The following TRIM55 variants were observed in gnomAD, a reference collection of about 807,000 sequenced individuals.
TRIM55 encodes the protein tripartite motif-containing protein 55.
TRIM55 carries 50 observed loss-of-function variants against 60.9 expected under a neutral mutation model. The ratio of observed to expected loss-of-function variants is 0.82; its 90% confidence interval spans 0.65 to 1.04. TRIM55 has a LOEUF of 1.04. TRIM55 is among the 50% of genes least tolerant of loss of function. The pLI, the probability that TRIM55 is intolerant of heterozygous loss-of-function variation, is 0.00. For missense variants in TRIM55, 681 were observed against 666.9 expected (o/e 1.02, Z -0.23); for synonymous variants, 237 against 238.1 (o/e 1.00, Z 0.04).
chr8:66,174,620 T>C lies in TRIM55; in HGVS notation c.*27T>C. 1 of 1,570,376 alleles carries C rather than the reference T, an allele frequency of 6.4e-7. No individual in the cohort carries two copies. Among genetic ancestry groups the C allele is most frequent in the Non-Finnish European group, 8.6e-7 (1 of 1,160,928 alleles). Reference sequence around the variant, plus strand: ...ATTCATTCCAACTGCTGCCCCTCTGTCTGCCTGGCTGAGATGCATGTGGGC... The same window carrying C: ...ATTCATTCCAACTGCTGCCCCTCTGCCTGCCTGGCTGAGATGCATGTGGGC... On this transcript the variant is annotated 3_prime_UTR_variant, in exon 10 of 10. Coordinates refer to ENST00000315962, the MANE Select transcript of TRIM55 (RefSeq NM_184085.2).
At chr8:66,173,853 C>T (rs1811775168) in intron 9 of TRIM55, among the ~76,000 whole-genome samples, 1 of 151,878 alleles carries the variant, frequency 6.6e-6, no homozygotes, top group Admixed American at 6.6e-5. Context: ...TTTCTTTAGA[C>T]ATGCTTATAT....
chr8:66,171,728 G>A (rs76213564), intron 9 of TRIM55, among the ~76,000 whole-genome samples: 9 of 152,264 alleles, frequency 5.9e-5, no homozygotes, highest in Non-Finnish European at 8.8e-5. Context: ...ACTCCATCTC[G>A]GGAAGGCTGT....
At chr8:66,114,784 G>T in the TRIM55 span, 563 of 358,304 alleles carry the variant, frequency 1.6e-3, 1 homozygote, top group African/African-American at 0.012. Flanking sequence ...GGAGAGGTGA[G>T]TGGATAAAGT....
the TRIM55 span, among the ~76,000 whole-genome samples, chr8:66,113,779 G>A: frequency 5.9e-5 from 9 of 152,220 alleles, no homozygotes; most frequent in African/African-American, 2.2e-4. Flanking sequence ...GGGCCAGGCG[G>A]GGACCTTCTC....
At chr8:66,156,163 T>C (rs548614251) in intron 9 of TRIM55, among the ~76,000 whole-genome samples, 4 of 152,194 alleles carry the variant, frequency 2.6e-5, no homozygotes, top group Non-Finnish European at 5.9e-5. Flanking sequence ...GCCCAGGAGG[T>C]GGCCAAGTGA....
intron 2 of TRIM55, among the ~76,000 whole-genome samples, chr8:66,132,347 G>A (rs1809209825): frequency 6.6e-6 from 1 of 152,200 alleles, no homozygotes; most frequent in Non-Finnish European, 1.5e-5. Context: ...CAGCAACTTG[G>A]GAGACTGAGG....
Position 66,137,089 on chromosome 8 carries a change from C to A in TRIM55, c.508-6C>A, listed in dbSNP as rs569786121. The A allele has an allele frequency of 1.9e-6, 3 of 1,613,180 alleles. No individual in the cohort carries two copies. Among genetic ancestry groups the A allele is most frequent in the East Asian group, 2.2e-5 (1 of 44,856 alleles). Reference sequence around the variant, plus strand: ...AGATATTGGGTTCATGTTTTCTCTTCATTAGTCTGAGCTCAGTGATGGCAT... The same window carrying A: ...AGATATTGGGTTCATGTTTTCTCTTAATTAGTCTGAGCTCAGTGATGGCAT... On this transcript the variant is annotated splice_polypyrimidine_tract_variant and splice_region_variant and intron_variant, in intron 3 of 9. Transcript: ENST00000315962.
At chr8:66,125,658 G>A (rs1449458315), upstream of TRIM55, among the ~76,000 whole-genome samples, 3 of 152,102 alleles carry the variant, frequency 2.0e-5, no homozygotes, top group South Asian at 4.1e-4. Context: ...ACCAGTTCCC[G>A]TCCTCCCTGT....
At chr8:66,115,159 C>T in the TRIM55 span, 1 of 152,988 alleles carries the variant, frequency 6.5e-6, no homozygotes, top group African/African-American at 2.4e-5. Context: ...ACAGTATCAA[C>T]CTTTGTGAGG....
chr8:66,128,498 A>C, intron 2 of TRIM55, 22 bp downstream of exon 2: 1 of 1,607,636 alleles, frequency 6.2e-7, no homozygotes, highest in Non-Finnish European at 8.5e-7. Flanking sequence ...CCACTCTTCC[A>C]TGTGTCAAGC....
chr8:66,147,153 G>A lies in TRIM55; in HGVS notation c.604-2492G>A, dbSNP rs2128978899. Among the ~76,000 whole-genome samples, 2 of 152,326 alleles carry A rather than the reference G, an allele frequency of 1.3e-5. 1 individual carries two copies. Among genetic ancestry groups the A allele is most frequent in the Middle Eastern group, 6.8e-3 (2 of 294 alleles). On this transcript the variant is annotated intron_variant, in intron 4 of 9. Transcript: ENST00000315962. ...CATTATTGGTCTATAGTCTTTCTCA[G>A]TGAACTGTGAGCTCCTTGAGAATAG...
intron 8 of TRIM55, among the ~76,000 whole-genome samples, chr8:66,152,942 T>A (rs182506598): frequency 0.013 from 1,909 of 149,854 alleles, 45 homozygotes; most frequent in African/African-American, 0.046. Flanking sequence ...TGTGTGTGTG[T>A]GTGTCCATGT....
chr8:66,133,427 T>C lies in TRIM55; in HGVS notation c.342-1563T>C, dbSNP rs528102853. 2.0e-4 allele frequency among the ~76,000 whole-genome samples: 30 copies of C among 151,376 alleles called. No homozygotes were observed. The East Asian group carries it at 5.4e-3, about 27-fold the overall frequency. On this transcript the variant is annotated intron_variant, in intron 2 of 9. Coordinates refer to ENST00000315962, the MANE Select transcript of TRIM55 (RefSeq NM_184085.2). Reference sequence around the variant, plus strand: ...AAAAAAAAAGACTCATCATGGCCCCTGCCCTTATGGAGCTGATATTCTAGT... The same window carrying C: ...AAAAAAAAAGACTCATCATGGCCCCCGCCCTTATGGAGCTGATATTCTAGT...
Position 66,154,300 on chromosome 8 carries a change from G to A in TRIM55, c.1490G>A (p.Gly497Asp), listed in dbSNP as rs766527636. The change falls in exon 9 of 10, where the codon GGT becomes GAT. Residue 497 changes from glycine to aspartate, a missense_variant. Physicochemically the swap from Gly to Asp is moderately conservative, Grantham distance 94. Coordinates refer to ENST00000315962, the MANE Select transcript of TRIM55 (RefSeq NM_184085.2). Reference protein sequence around the residue: ...AAASERAAVSGKETSAPAATS... With the variant: ...AAASERAAVSDKETSAPAATS... ...GCGAGTGAGAGGGCAGCTGTGAGTG[G>A]TAAGGAAACTAGTGCACCTGCAGCT... 2.0e-5 allele frequency: 33 copies of A among 1,614,032 alleles called. No individual in the cohort carries two copies. Among genetic ancestry groups the A allele is most frequent in the Non-Finnish European group, 2.5e-5 (30 of 1,180,028 alleles).
chr8:66,125,090 C>A (rs762327271), upstream of TRIM55, among the ~76,000 whole-genome samples: 1 of 152,250 alleles, frequency 6.6e-6, no homozygotes, highest in Non-Finnish European at 1.5e-5. Context: ...TATCTACCCA[C>A]AACTGAAATT....
chr8:66,124,389 T>C (rs1261220391), upstream of TRIM55, among the ~76,000 whole-genome samples: 1 of 152,212 alleles, frequency 6.6e-6, no homozygotes, highest in Non-Finnish European at 1.5e-5. Flanking sequence ...CAGCCAATGC[T>C]TGAGCGCGTG....
At chr8:66,134,038 C>T (rs1197064018) in intron 2 of TRIM55, among the ~76,000 whole-genome samples, 1 of 152,178 alleles carries the variant, frequency 6.6e-6, no homozygotes, top group Non-Finnish European at 1.5e-5. Flanking sequence ...ATTTTTACTA[C>T]ATGTAATTCA....
chr8:66,169,590 G>T (rs1341841092), intron 9 of TRIM55, among the ~76,000 whole-genome samples: 5 of 152,164 alleles, frequency 3.3e-5, no homozygotes, highest in Non-Finnish European at 5.9e-5. Flanking sequence ...GAAAAAGCAG[G>T]CCAGGTAACA....
Position 66,174,724 on chromosome 8 carries a change from C to A in TRIM55, c.*131C>A. On this transcript the variant is annotated 3_prime_UTR_variant, in exon 10 of 10. Coordinates refer to ENST00000315962, the MANE Select transcript of TRIM55 (RefSeq NM_184085.2). The stretch of plus-strand genomic sequence containing the variant: ...AACAGGATTTCTGCAAAAATAGCCC[C>A]AAACTGCAATTCCATATGACTTATC... The A allele has an allele frequency of 2.0e-6, 2 of 995,218 alleles. No homozygotes were observed. Among genetic ancestry groups the A allele is most frequent in the Non-Finnish European group, 2.7e-6 (2 of 727,934 alleles). 61.6% of individuals were successfully genotyped at this position (995,218 alleles called of 1,614,324 possible). A position where few individuals can be genotyped will look rare whatever the true frequency, so the allele number is the denominator to read the frequency against.
Sources: gnomAD v4.1 joint callset for allele counts (sites outside exome capture counted in the v4.1 genomes callset) on GRCh38, gnomAD v4.1.1 for gene constraint, MANE v1.5 for transcripts, NCBI Gene and HGNC (gene_info 2026-07-23, HGNC 2026-07-21) for gene names.